LRP5: variants seen among roughly 807,000 people sequenced by gnomAD.
The protein encoded by LRP5 is low-density lipoprotein receptor-related protein 5.
In LRP5, 62 loss-of-function variants were observed where a neutral mutation model predicts 154.1. That is an observed-to-expected ratio of 0.40 (90% CI 0.33 to 0.50). LRP5 has a LOEUF of 0.50. Ranked by LOEUF, LRP5 falls within the 20% of genes least tolerant of loss-of-function variation. LRP5 has a pLI of 0.55. For synonymous variants in LRP5, 966 were observed against 1,011.5 expected (o/e 0.96, Z 0.85); for missense variants, 1,915 against 2,336.7 (o/e 0.82, Z 3.72).
upstream of LRP5, among the ~76,000 whole-genome samples, chr11:68,308,253 GT>G (rs2098585148): frequency 1.3e-5 from 2 of 152,334 alleles, no homozygotes; most frequent in South Asian, 4.1e-4. Context: ...GTCCTGCCGG[GT>G]TGGGGGGGGC....
chr11:68,381,145 A>G (rs1298761183), intron 5 of LRP5, among the ~76,000 whole-genome samples: 2 of 152,100 alleles, frequency 1.3e-5, no homozygotes, highest in Non-Finnish European at 2.9e-5. Flanking sequence ...AAGCCAAGGA[A>G]CTCCAAGTAT....
At position 68,406,779 on chromosome 11, in the gene LRP5, A is replaced by G. The variant is rs746188108; in HGVS notation, c.2057A>G (p.Asn686Ser). 10 of 1,613,988 alleles carry G rather than the reference A, an allele frequency of 6.2e-6. No homozygotes were observed. Among genetic ancestry groups the G allele is most frequent in the African/African-American group, 5.3e-5 (4 of 74,944 alleles). Residue 686 changes from asparagine to serine, a missense_variant, in exon 9 of 23, where the codon AAC (asparagine) becomes AGC (serine). Coordinates refer to ENST00000294304, the MANE Select transcript of LRP5 (RefSeq NM_002335.4). ...EASALDFDVS[N>S]NHIYWTDVSL... ...TCAGCCCTGGACTTTGATGTGTCCAACAACCACATCTACTGGACAGACGTC... is the reference window on the plus strand; with the variant it reads ...TCAGCCCTGGACTTTGATGTGTCCAGCAACCACATCTACTGGACAGACGTC...
chr11:68,365,441 T>C (rs2098630429), intron 4 of LRP5, 130 bp from the exon 5 acceptor site: 2 of 1,395,544 alleles, frequency 1.4e-6, no homozygotes, highest in Non-Finnish European at 1.0e-6. Flanking sequence ...CTGATGCCAC[T>C]TGAGGCCGAT....
intron 1 of LRP5, among the ~76,000 whole-genome samples, chr11:68,341,561 A>G (rs555439870): frequency 2.2e-4 from 33 of 152,154 alleles, no homozygotes; most frequent in African/African-American, 7.7e-4. Flanking sequence ...GTGACCCCTG[A>G]GCTTCAGGGG....
chr11:68,348,095 G>A lies in LRP5; in HGVS notation c.340G>A (p.Ala114Thr). 6 of 1,614,086 alleles carry A rather than the reference G, an allele frequency of 3.7e-6. No individual in the cohort carries two copies. The highest frequency in any genetic ancestry group is 5.1e-6 in the Non-Finnish European group (6 of 1,180,038). The change falls in exon 2 of 23, where the codon GCC (alanine) becomes ACC (threonine). Residue 114 changes from alanine to threonine, a missense_variant. Ala to Thr is a moderately conservative substitution (Grantham distance 58). Around this residue, in one of 3 missense-constraint regions of LRP5, gnomAD observed 773 missense variants for 1,100.9 expected, o/e 0.70. Transcript: ENST00000294304. Reference sequence around the variant, plus strand: ...CGGCCTGGTCTCTCCCGACGGCCTCGCCTGCGACTGGGTGGGCAAGAAGCT... The same window carrying A: ...CGGCCTGGTCTCTCCCGACGGCCTCACCTGCGACTGGGTGGGCAAGAAGCT... Reference protein sequence around the residue: ...ISGLVSPDGLACDWVGKKLYW... With the variant: ...ISGLVSPDGLTCDWVGKKLYW...
intron 13 of LRP5, among the ~76,000 whole-genome samples, chr11:68,421,640 C>T (rs905287186): frequency 1.3e-5 from 2 of 151,350 alleles, no homozygotes; most frequent in African/African-American, 4.9e-5. Context: ...CATGATCCTT[C>T]GTGTCCAGAT....
At chr11:68,444,216 C>CT (rs912918344) in intron 21 of LRP5, among the ~76,000 whole-genome samples, 12 of 152,192 alleles carry the variant, frequency 7.9e-5, no homozygotes, top group African/African-American at 2.9e-4. Flanking sequence ...ACAGAGAACT[C>CT]TAAGAATGCA....
intron 5 of LRP5, among the ~76,000 whole-genome samples, chr11:68,374,039 A>C (rs902807263): frequency 6.6e-6 from 1 of 152,008 alleles, no homozygotes; most frequent in Non-Finnish European, 1.5e-5. Context: ...CGGCTTGGGG[A>C]TTTGTGGGCC....
Position 68,386,203 on chromosome 11 carries a change from A to G in LRP5, c.1016-113A>G. 1 of 1,351,792 alleles carries G rather than the reference A, an allele frequency of 7.4e-7. No individual in the cohort carries two copies. Among genetic ancestry groups the G allele is most frequent in the East Asian group, 2.3e-5 (1 of 42,914 alleles). The allele number at this position is 1,351,792 out of a possible 1,614,324, so 83.7% of individuals were successfully genotyped here. A position where few individuals can be genotyped will look rare whatever the true frequency, so the allele number is the denominator to read the frequency against. On this transcript the variant is annotated intron_variant, in intron 5 of 22. Coordinates refer to ENST00000294304, the MANE Select transcript of LRP5 (RefSeq NM_002335.4). This position sits in a 1 kb window ranked among gnomAD's most constrained non-coding sequence, Gnocchi z 7.9. ...TCACCTAACATCACCAGCCTTTGCA[A>G]GGAGAGCCCTGGGGGCCTGGCTGAG... is the stretch of plus-strand genomic sequence containing the variant.
Position 68,406,693 on chromosome 11 carries a change from G to T in LRP5, c.1971G>T (p.Arg657Ser). The T allele has an allele frequency of 6.2e-7, 1 of 1,614,182 alleles. No individual in the cohort carries two copies. The highest frequency in any genetic ancestry group is 1.1e-5 in the South Asian group (1 of 91,084). ...LVFTSRAAIH[R>S]ISLETNNNDV... ...TCACCAGCAGAGCCGCCATCCACAG[G>T]ATCTCCCTCGAGACCAATAACAACG... Residue 657 changes from arginine (R) to serine (S), a missense_variant, in exon 9 of 23, where the codon AGG becomes AGT. Physicochemically the swap from Arg to Ser is moderately radical, Grantham distance 110. Coordinates refer to ENST00000294304, the MANE Select transcript of LRP5 (RefSeq NM_002335.4).
rs139063572 is a variant in LRP5 at position 68,357,737 on chromosome 11, G to A, written c.576G>A (p.Ser192=). ...DGSTRKIIVD[S]DIYWPNGLTI... Reference sequence around the variant, plus strand: ...GCACCCGGAAGATCATTGTGGACTCGGACATTTACTGGCCCAATGGACTGA... The same window carrying A: ...GCACCCGGAAGATCATTGTGGACTCAGACATTTACTGGCCCAATGGACTGA... Residue 192 remains serine (S), a synonymous_variant, in exon 3 of 23, where the codon TCG becomes TCA. Coordinates refer to ENST00000294304, the MANE Select transcript of LRP5 (RefSeq NM_002335.4). The A allele has an allele frequency of 5.8e-5, 94 of 1,614,116 alleles. No homozygotes were observed. In the African/African-American group the frequency reaches 1.1e-3, roughly 19 times the overall value.
In LRP5 at chr11:68,337,397, G is replaced by A. The variant is rs539042534; in HGVS notation, c.92-10450G>A. Among the ~76,000 whole-genome samples, 163 of 152,290 alleles carry A rather than the reference G, an allele frequency of 1.1e-3. 1 individual carries two copies. The highest frequency in any genetic ancestry group is 3.9e-3 in the African/African-American group (160 of 41,548). Reference sequence around the variant, plus strand: ...TAGAAGGTGCCCAGAGCTGTGTTAGGTGTCAGAGAAGTTGTTTGTGAGGCA... The same window carrying A: ...TAGAAGGTGCCCAGAGCTGTGTTAGATGTCAGAGAAGTTGTTTGTGAGGCA... On this transcript the variant is annotated intron_variant, in intron 1 of 22. Coordinates refer to ENST00000294304, the MANE Select transcript of LRP5 (RefSeq NM_002335.4).
At chr11:68,438,748 G>C (rs1226824160) in intron 20 of LRP5, 66 bp downstream of exon 20, 30 of 1,441,352 alleles carry the variant, frequency 2.1e-5, no homozygotes, top group Non-Finnish European at 2.8e-5. Context: ...GCTTTGGGGA[G>C]TGGAGCAGGG....
intron 5 of LRP5, among the ~76,000 whole-genome samples, chr11:68,366,594 C>A (rs2098631191): frequency 6.6e-6 from 1 of 152,100 alleles, no homozygotes. Flanking sequence ...TGCTCCCTGG[C>A]AGGGGTCCTG....
At chr11:68,429,814 C>A in intron 17 of LRP5, 114 bp downstream of exon 17, 1 of 1,392,686 alleles carries the variant, frequency 7.2e-7, no homozygotes, top group Non-Finnish European at 1.0e-6. Context: ...ATCCAGTTTC[C>A]AAAGCTGATT....
intron 21 of LRP5, among the ~76,000 whole-genome samples, chr11:68,441,850 C>G (rs933976418): frequency 2.6e-5 from 4 of 152,204 alleles, no homozygotes; most frequent in Admixed American, 2.6e-4. Flanking sequence ...AATTTTAGAA[C>G]ATTTTCCTGC....
intron 13 of LRP5, among the ~76,000 whole-genome samples, chr11:68,421,371 G>A (rs1451880210): frequency 1.3e-5 from 2 of 152,280 alleles, no homozygotes; most frequent in East Asian, 3.9e-4. Context: ...CACAGTACAC[G>A]TTTCTCAGAT....
intron 17 of LRP5, among the ~76,000 whole-genome samples, chr11:68,432,490 G>A (rs2098672489): frequency 6.6e-6 from 1 of 152,208 alleles, no homozygotes. Flanking sequence ...CCTCCCCTAT[G>A]CCACACAGTC....
At chr11:68,301,626 A>AT in the LRP5 span, among the ~76,000 whole-genome samples, 82 of 146,570 alleles carry the variant, frequency 5.6e-4, 4 homozygotes, top group Admixed American at 3.3e-3. Context: ...TTATTTATTT[A>AT]TTTATTTTTT....
Sources: allele counts gnomAD v4.1 joint callset (sites outside exome capture counted in the v4.1 genomes callset), GRCh38; gene constraint gnomAD v4.1.1; regional missense constraint gnomAD v4.1.1; non-coding constraint Gnocchi (gnomAD v3.1); transcripts MANE v1.5; gene names NCBI Gene and HGNC (gene_info 2026-07-23, HGNC 2026-07-21).